The following CFAP57 variants were observed in gnomAD, a reference collection of about 807,000 sequenced individuals.
CFAP57 encodes cilia and flagella associated protein 57, also known as cilia- and flagella-associated protein 57.
In CFAP57, 116 loss-of-function variants were observed where a neutral mutation model predicts 146.8. The observed-to-expected ratio is 0.79, with a 90% confidence interval of 0.68 to 0.92. CFAP57 has a LOEUF of 0.92. Ranked by LOEUF, CFAP57 falls within the 40% of genes least tolerant of loss-of-function variation. CFAP57 has a pLI of 0.00. For missense variants in CFAP57, 1,377 were observed against 1,527.2 expected, an observed-to-expected ratio of 0.90 and a Z score of 1.64; for synonymous variants, 518 against 552.8, an observed-to-expected ratio of 0.94 and a Z score of 0.88.
chr1:43,218,615 A>AG (rs1235544285), intron 12 of CFAP57, among the ~76,000 whole-genome samples: 1 of 151,440 alleles, frequency 6.6e-6, no homozygotes, highest in Non-Finnish European at 1.5e-5. Flanking sequence ...CTCAAAAAAA[A>AG]AGAGAAAAAA....
intron 21 of CFAP57, among the ~76,000 whole-genome samples, chr1:43,242,823 T>C (rs1645975933): frequency 6.6e-6 from 1 of 152,102 alleles, no homozygotes. Context: ...ATAATAACAA[T>C]TTATAATTGT....
At position 43,219,315 on chromosome 1, in the gene CFAP57, G is replaced by A. The variant is rs189800196; in HGVS notation, c.2092-67G>A. On this transcript the variant is annotated intron_variant, in intron 12 of 22. Transcript: ENST00000372492. ...GAGCTGCAGGTCTCAGGTCAAGGCCGCAGGTTTAAATATTCTGAGTCACCC... is the reference window on the plus strand; with the variant it reads ...GAGCTGCAGGTCTCAGGTCAAGGCCACAGGTTTAAATATTCTGAGTCACCC... 1.0e-4 allele frequency: 153 copies of A among 1,476,630 alleles called. 1 individual carries two copies. In the Admixed American group the frequency reaches 2.2e-3, roughly 21 times the overall value. The allele number at this position is 1,476,630 out of a possible 1,614,324, so 91.5% of individuals were successfully genotyped here.
intron 11 of CFAP57, among the ~76,000 whole-genome samples, chr1:43,212,950 AGAAAG>A (rs1480533457): frequency 1.1e-5 from 1 of 90,996 alleles, no homozygotes; most frequent in Admixed American, 1.1e-4. Context: ...AAAAAAAAAA[AGAAAG>A]AAAGAAAGAA....
chr1:43,176,979 G>T (rs1645198156), intron 2 of CFAP57: 2 of 374,552 alleles, frequency 5.3e-6, no homozygotes, highest in Non-Finnish European at 1.1e-5. Context: ...GAACCGGGGG[G>T]TGAGGAGCAA....
At chr1:43,179,127 G>A (rs1645285586) in intron 2 of CFAP57, among the ~76,000 whole-genome samples, 1 of 152,084 alleles carries the variant, frequency 6.6e-6, no homozygotes, top group South Asian at 2.1e-4. Context: ...ACACACCGGG[G>A]CCTGTTGTGG....
In CFAP57 at chr1:43,244,234, G is replaced by A. The variant is rs553449607; in HGVS notation, c.3538+875G>A. Among the ~76,000 whole-genome samples the A allele has an allele frequency of 1.6e-4, 24 of 152,222 alleles. No homozygotes were observed. In the South Asian group the frequency reaches 2.9e-3, roughly 18 times the overall value. ...AACATGGTTCAAGTTTTTGTTTTCT[G>A]GTGGTTTACATTAAGGAATAAAGAT... On this transcript the variant is annotated intron_variant, in intron 22 of 22. Transcript: ENST00000372492.
chr1:43,234,308 G>T lies in CFAP57; in HGVS notation c.3156G>T (p.Arg1052Ser). The T allele has an allele frequency of 6.5e-7, 1 of 1,549,926 alleles. No individual in the cohort carries two copies. Among genetic ancestry groups the T allele is most frequent in the East Asian group, 2.4e-5 (1 of 40,890 alleles). The change falls in exon 20 of 23, where the codon AGG (arginine) becomes AGT (serine). Residue 1052 changes from arginine to serine, a missense_variant. By Grantham distance (110) the Arg-to-Ser change is moderately radical. Coordinates refer to ENST00000372492, the MANE Select transcript of CFAP57 (RefSeq NM_001378189.1). ...GAGACTTGGAAGCGCTGGTCAAAAG[G>T]TTTAAAACAGACCTCCACAACTGCG... Reference protein sequence around the residue: ...KERDLEALVKRFKTDLHNCVA... With the variant: ...KERDLEALVKSFKTDLHNCVA...
At chr1:43,187,169 C>A (rs74068515) in intron 6 of CFAP57, among the ~76,000 whole-genome samples, 7,505 of 152,138 alleles carry the variant, frequency 0.049, 627 homozygotes, top group African/African-American at 0.17. Flanking sequence ...TATATTTGCT[C>A]ATGTACACAA....
chr1:43,172,569 G>C (rs566824556), intron 1 of CFAP57, 116 bp downstream of exon 1: 1 of 755,874 alleles, frequency 1.3e-6, no homozygotes, highest in Non-Finnish European at 2.1e-6. Flanking sequence ...CCCCGGGGGA[G>C]GGGAAAGGGG....
At chr1:43,210,355 A>G (rs1231726658) in intron 11 of CFAP57, 11 of 1,335,714 alleles carry the variant, frequency 8.2e-6, no homozygotes, top group Non-Finnish European at 1.1e-5. Flanking sequence ...ACATTTGTAA[A>G]TTGTCCTTCC....
At chr1:43,241,085 C>T (rs1466203443) in intron 21 of CFAP57, among the ~76,000 whole-genome samples, 1 of 152,196 alleles carries the variant, frequency 6.6e-6, no homozygotes, top group Non-Finnish European at 1.5e-5. Context: ...CCACCTGCCT[C>T]GGCCTCCCAA....
chr1:43,243,157 G>A, intron 21 of CFAP57, 70 bp from the exon 22 acceptor site: 3 of 1,515,694 alleles, frequency 2.0e-6, no homozygotes, highest in Middle Eastern at 1.7e-4. Flanking sequence ...ACTCAGCCCA[G>A]GAGGGTATGC....
At chr1:43,227,188 C>A in intron 18 of CFAP57, 62 bp downstream of exon 18, 1 of 1,442,690 alleles carries the variant, frequency 6.9e-7, no homozygotes, top group South Asian at 1.5e-5. Flanking sequence ...CCACAATTGG[C>A]TAGCTGGCCT....
At chr1:43,253,238 A>C (rs140251642) in intron 22 of CFAP57, among the ~76,000 whole-genome samples, 27 of 152,348 alleles carry the variant, frequency 1.8e-4, no homozygotes, top group African/African-American at 6.5e-4. Flanking sequence ...CAAGAAATTG[A>C]GTTGTCCAGG....
intron 11 of CFAP57, chr1:43,210,316 G>C: frequency 7.1e-7 from 1 of 1,411,322 alleles, no homozygotes; most frequent in Non-Finnish European, 9.2e-7. Context: ...GGGTACAAAA[G>C]GCCACCCCAG....
intron 21 of CFAP57, among the ~76,000 whole-genome samples, chr1:43,239,444 G>A (rs1645825339): frequency 6.6e-6 from 1 of 151,864 alleles, no homozygotes; most frequent in African/African-American, 2.4e-5. Flanking sequence ...TGACAGGGCT[G>A]TAGAGGGTGG....
rs1403081296 is a variant in CFAP57 at position 43,205,843 on chromosome 1, A to G, written c.1543-877A>G. The stretch of plus-strand genomic sequence containing the variant: ...GCCACATCTGCCCAGAGTGCACAGC[A>G]GTGAAGTTTCTGGAGCTGAGGCCGT... On this transcript the variant is annotated intron_variant, in intron 9 of 22. Coordinates refer to ENST00000372492, the MANE Select transcript of CFAP57 (RefSeq NM_001378189.1). 5.3e-5 allele frequency among the ~76,000 whole-genome samples: 8 copies of G among 152,070 alleles called. No homozygotes were observed. In the South Asian group the frequency reaches 1.5e-3, roughly 28 times the overall value.
intron 9 of CFAP57, 53 bp downstream of exon 9, chr1:43,199,556 C>CACTG: frequency 6.6e-7 from 1 of 1,520,816 alleles, no homozygotes; most frequent in Non-Finnish European, 9.1e-7. Context: ...CCAAGTATGC[C>CACTG]GCCAGCCAGT....
chr1:43,186,657 A>T, intron 5 of CFAP57, 50 bp from the exon 6 acceptor site: 1 of 1,552,070 alleles, frequency 6.4e-7, no homozygotes, highest in Non-Finnish European at 8.9e-7. Flanking sequence ...GCCTAAGGCC[A>T]CAATGACAAC....
Sources: gnomAD v4.1 joint callset for allele counts (sites outside exome capture counted in the v4.1 genomes callset) on GRCh38, gnomAD v4.1.1 for gene constraint, MANE v1.5 for transcripts, NCBI Gene and HGNC (gene_info 2026-07-23, HGNC 2026-07-21) for gene names.